Variants in TMX3 observed in about 807,000 individuals in gnomAD.
The protein encoded by TMX3 is thioredoxin related transmembrane protein 3.
TMX3 carries 40 observed loss-of-function variants against 64.4 expected under a neutral mutation model. The observed-to-expected ratio is 0.62, with a 90% CI of 0.48 to 0.81. TMX3 has a LOEUF of 0.81. TMX3 is among the 30% of genes least tolerant of loss of function. The probability of loss-of-function intolerance (pLI) is 0.00; values close to 1 mark genes in which losing one functional copy is unlikely to be tolerated. For missense variants in TMX3, 497 were observed against 534.5 expected (o/e 0.93, Z 0.69); for synonymous variants, 189 against 175.7 (o/e 1.08, Z -0.60).
At chr18:68,691,489 A>T in intron 8 of TMX3, 128 bp from the exon 9 acceptor site, 1 of 586,696 alleles carries the variant, frequency 1.7e-6, no homozygotes, top group African/African-American at 1.9e-5. Context: ...GAATGTCACA[A>T]ACAGTTAAAG....
rs117763135 is a variant in TMX3, at chr18:68,681,769, A to G, written c.906-659T>C. 6.7e-3 allele frequency among the ~76,000 whole-genome samples: 1,020 copies of G among 152,318 alleles called. 9 individuals are homozygous for G. The highest frequency in any genetic ancestry group is 0.011 in the Non-Finnish European group (753 of 68,020). On this transcript the variant is annotated intron_variant, in intron 13 of 15. Coordinates refer to ENST00000299608, the MANE Select transcript of TMX3 (RefSeq NM_019022.5). ...GCAAAGCTAGAGAAAACCAAAGCAC[A>G]GCATCATGTTGTTGAGCTTCCACTG...
intron 13 of TMX3, 182 bp from the exon 14 acceptor site, chr18:68,681,292 C>T (rs1034623379): frequency 3.4e-6 from 2 of 585,974 alleles, no homozygotes; most frequent in Non-Finnish European, 4.9e-6. Context: ...TCATGACATA[C>T]CTTTTTAATT....
chr18:68,697,845 T>C, intron 7 of TMX3, 87 bp downstream of exon 7: 1 of 796,412 alleles, frequency 1.3e-6, no homozygotes, highest in South Asian at 1.7e-5. Context: ...TGCAGAGTAA[T>C]AAGTTCTGCG....
At chr18:68,713,353 T>C (rs1168810078) in intron 2 of TMX3, among the ~76,000 whole-genome samples, 1 of 152,006 alleles carries the variant, frequency 6.6e-6, no homozygotes, top group African/African-American at 2.4e-5. Context: ...TGACTACCAC[T>C]CCCTCCAGGG....
In TMX3 at chr18:68,679,528, G is replaced by A; in HGVS notation, c.1039C>T (p.Gln347Ter). The A allele has an allele frequency of 1.2e-6, 2 of 1,609,370 alleles. No individual in the cohort carries two copies. The highest frequency in any genetic ancestry group is 1.7e-6 in the Non-Finnish European group (2 of 1,178,256). The change falls in exon 15 of 16, where the codon CAA (glutamine) becomes TAA (stop). Residue 347 changes from glutamine to a stop codon, truncating the protein, a stop_gained. Transcript: ENST00000299608. LOFTEE classifies it high-confidence loss of function. ...NNILDGTVEA[Q>*]GGDSILQRLK... The stretch of plus-strand genomic sequence containing the variant: ...CTCTGCAAAATGCTATCACCTCCTT[G>A]GGCCTTCAAAAAAGGAAAAGAAAAA...
intron 1 of TMX3, 99 bp from the exon 2 acceptor site, chr18:68,713,999 C>T (rs2031609612): frequency 1.4e-6 from 1 of 723,444 alleles, no homozygotes; most frequent in African/African-American, 1.8e-5. Flanking sequence ...CTTTCACAAC[C>T]TACCAAAAAA....
intron 2 of TMX3, among the ~76,000 whole-genome samples, chr18:68,712,392 A>G (rs1279877697): frequency 6.6e-6 from 1 of 152,104 alleles, no homozygotes; most frequent in Non-Finnish European, 1.5e-5. Context: ...TCTTCTCACA[A>G]CTGTCGCAGT....
intron 8 of TMX3, among the ~76,000 whole-genome samples, chr18:68,696,144 TAC>T (rs969692439): frequency 9.2e-5 from 14 of 152,170 alleles, no homozygotes; most frequent in African/African-American, 2.9e-4. Flanking sequence ...CCCCAACTAT[TAC>T]ACAGTTTTTT....
intron 13 of TMX3, among the ~76,000 whole-genome samples, chr18:68,682,219 T>C (rs309214): frequency 0.06 from 9,143 of 152,222 alleles, 850 homozygotes; most frequent in African/African-American, 0.2. Context: ...GTGTCTAATA[T>C]AGTGTACAAC....
At chr18:68,700,904 A>G (rs948770644) in intron 5 of TMX3, 2 of 985,026 alleles carry the variant, frequency 2.0e-6, no homozygotes, top group Middle Eastern at 5.2e-4. Context: ...CATGACAGTT[A>G]CTTGATGCTC....
At position 68,714,925 on chromosome 18, in the gene TMX3, GC is replaced by G. The variant is rs764396768; in HGVS notation, c.46+10del. The G allele has an allele frequency of 3.2e-6, 5 of 1,558,596 alleles. No homozygotes were observed. Among genetic ancestry groups the G allele is most frequent in the Middle Eastern group, 3.5e-4 (2 of 5,718 alleles). ...CGCCCGCCAGCGTCCCGACCGCTGA[GC>G]CCCCATTACCTGTGGCGCAGAGCCG... On this transcript the variant is annotated intron_variant, in intron 1 of 15. Transcript: ENST00000299608.
chr18:68,697,396 A>G (rs1316802384), intron 7 of TMX3, 93 bp from the exon 8 acceptor site: 28 of 613,166 alleles, frequency 4.6e-5, no homozygotes, highest in Non-Finnish European at 7.5e-5. Context: ...TTATGTAGTA[A>G]GAGTCATCAC....
chr18:68,675,624 A>G lies in TMX3; in HGVS notation c.*1309T>C, dbSNP rs922739465. 5.3e-5 allele frequency: 8 copies of G among 152,154 alleles called. No homozygotes were observed. Among genetic ancestry groups the G allele is most frequent in the African/African-American group, 1.7e-4 (7 of 41,448 alleles). The allele number at this position is 152,154 out of a possible 1,614,324, so 9.4% of individuals were successfully genotyped here. A position where few individuals can be genotyped will look rare whatever the true frequency, so the allele number is the denominator to read the frequency against. On this transcript the variant is annotated 3_prime_UTR_variant, in exon 16 of 16. Coordinates refer to ENST00000299608, the MANE Select transcript of TMX3 (RefSeq NM_019022.5). Reference sequence around the variant, plus strand: ...GTTCAATAAAATTCTTTATAGTGGAAAATTACTCAATGAATAACCACTCAA... The same window carrying G: ...GTTCAATAAAATTCTTTATAGTGGAGAATTACTCAATGAATAACCACTCAA...
chr18:68,678,878 A>C (rs1360140916), intron 15 of TMX3, among the ~76,000 whole-genome samples: 1 of 152,032 alleles, frequency 6.6e-6, no homozygotes, highest in African/African-American at 2.4e-5. Flanking sequence ...TCACATTTTA[A>C]TTCCACATTT....
rs1051884548 is a variant in TMX3, at chr18:68,709,423, G to A, written c.265+598C>T. The stretch of plus-strand genomic sequence containing the variant: ...TACGGAATTCTGCCATGGAGGCACA[G>A]AAACAGCCATAAACAGATAACAAAT... On this transcript the variant is annotated intron_variant, in intron 4 of 15. Transcript: ENST00000299608. Among the ~76,000 whole-genome samples, 5 of 152,206 alleles carry A rather than the reference G, an allele frequency of 3.3e-5. No homozygotes were observed. In the East Asian group the frequency reaches 7.7e-4, roughly 23 times the overall value.
chr18:68,711,838 G>T (rs1450494725), intron 2 of TMX3, among the ~76,000 whole-genome samples: 1 of 152,162 alleles, frequency 6.6e-6, no homozygotes, highest in Non-Finnish European at 1.5e-5. Flanking sequence ...TGATGGCTCA[G>T]TGTTCATAAA....
chr18:68,678,316 A>T (rs1309262491), intron 15 of TMX3, among the ~76,000 whole-genome samples: 1 of 152,176 alleles, frequency 6.6e-6, no homozygotes, highest in African/African-American at 2.4e-5. Flanking sequence ...AGAGCTCGAG[A>T]AGGACAACAG....
chr18:68,707,413 C>A (rs982973044), intron 4 of TMX3, among the ~76,000 whole-genome samples: 1 of 152,096 alleles, frequency 6.6e-6, no homozygotes, highest in African/African-American at 2.4e-5. Context: ...CTCAGGAAAA[C>A]AATCTTGGCT....
chr18:68,704,414 A>T (rs978078157), intron 4 of TMX3, among the ~76,000 whole-genome samples: 1 of 152,160 alleles, frequency 6.6e-6, no homozygotes, highest in Non-Finnish European at 1.5e-5. Flanking sequence ...TGTAAGGAAG[A>T]AAAAAAGGTA....
Sources: gnomAD v4.1 joint callset for allele counts (sites outside exome capture counted in the v4.1 genomes callset) on GRCh38, gnomAD v4.1.1 for gene constraint, MANE v1.5 for transcripts, NCBI Gene and HGNC (gene_info 2026-07-23, HGNC 2026-07-21) for gene names.